MICAL3: variants seen among roughly 807,000 people sequenced by gnomAD.
MICAL3 encodes the protein microtubule associated monooxygenase, calponin and LIM domain containing 3.
MICAL3 carries 62 observed loss-of-function variants against 207.4 expected under a neutral mutation model. The observed-to-expected ratio is 0.30, with a 90% CI of 0.24 to 0.37. The LOEUF (loss-of-function observed/expected upper bound fraction) is 0.37. Ranked by LOEUF, MICAL3 falls within the 10% of genes least tolerant of loss-of-function variation. The pLI is 1.00. For missense variants in MICAL3, 2,368 were observed against 2,635.6 expected, an observed-to-expected ratio of 0.90 and a Z score of 2.22; for synonymous variants, 1,077 against 1,069.3, an observed-to-expected ratio of 1.01 and a Z score of -0.14.
In MICAL3 at chr22:17,993,898, T is replaced by C. The variant is rs555860358; in HGVS notation, c.-75+30383A>G. ...CCAAGTCAGTTGCCCTCAACTGGTC[T>C]GTGACACCACAAGTCCAAAACCCAA... On this transcript the variant is annotated intron_variant, in intron 1 of 31. Coordinates refer to ENST00000441493, the MANE Select transcript of MICAL3 (RefSeq NM_015241.3). Among the ~76,000 whole-genome samples the C allele has an allele frequency of 8.8e-4, 134 of 151,872 alleles. No individual in the cohort carries two copies. In the East Asian group the frequency reaches 0.012, roughly 14 times the overall value.
rs192856896 is a variant in MICAL3 at position 18,000,519 on chromosome 22, G to A, written c.-75+23762C>T. On this transcript the variant is annotated intron_variant, in intron 1 of 31. Coordinates refer to ENST00000441493, the MANE Select transcript of MICAL3 (RefSeq NM_015241.3). Reference sequence around the variant, plus strand: ...TTCGTCCCGGCTACCTACTGAGCAAGCGGGGTGGCGGCTCACCAGTGCCGC... The same window carrying A: ...TTCGTCCCGGCTACCTACTGAGCAAACGGGGTGGCGGCTCACCAGTGCCGC... 5.1e-3 allele frequency among the ~76,000 whole-genome samples: 781 copies of A among 152,352 alleles called. 7 individuals carry two copies. The highest frequency in any genetic ancestry group is 0.018 in the African/African-American group (734 of 41,586).
At chr22:17,908,380 T>C (rs1198829519) in intron 1 of MICAL3, among the ~76,000 whole-genome samples, 1 of 152,152 alleles carries the variant, frequency 6.6e-6, no homozygotes, top group African/African-American at 2.4e-5. Context: ...CGATCTCTGC[T>C]CACTGCAAGC....
Position 17,818,568 on chromosome 22 carries a change from A to T in MICAL3, c.4093T>A (p.Ser1365Thr). ...TGGGGGGACTTTTCAACGGAATAGG[A>T]TTTGAGGGACACTGGCCTGAAGGCA... is the stretch of plus-strand genomic sequence containing the variant. ...TPAFRPVSLK[S>T]YSVEKSPQDE... Residue 1365 changes from serine to threonine, a missense_variant, in exon 26 of 32, where the codon TCC becomes ACC. Ser to Thr is a moderately conservative substitution (Grantham distance 58). Coordinates refer to ENST00000441493, the MANE Select transcript of MICAL3 (RefSeq NM_015241.3). The T allele has an allele frequency of 6.2e-7, 1 of 1,613,428 alleles. No individual in the cohort carries two copies. Among genetic ancestry groups the T allele is most frequent in the African/African-American group, 1.3e-5 (1 of 74,966 alleles).
At chr22:17,960,322 G>C (rs1417365410) in intron 1 of MICAL3, among the ~76,000 whole-genome samples, 1 of 152,224 alleles carries the variant, frequency 6.6e-6, no homozygotes, top group African/African-American at 2.4e-5. Context: ...GTACATGCGT[G>C]TGCATGTGTC....
At chr22:17,980,788 A>C in intron 1 of MICAL3, 1 of 475,620 alleles carries the variant, frequency 2.1e-6, no homozygotes, top group Non-Finnish European at 4.5e-6. Flanking sequence ...GCAGCAAACC[A>C]GCTGCCCGTC....
At chr22:17,879,414 A>G in intron 16 of MICAL3, 1 of 1,609,124 alleles carries the variant, frequency 6.2e-7, no homozygotes, top group Non-Finnish European at 8.5e-7. Context: ...TGTTGGCAAC[A>G]AAGTAGAAAC....
At position 17,832,054 on chromosome 22, in the gene MICAL3, C is replaced by T. The variant is rs1016399568; in HGVS notation, c.2855G>A (p.Arg952His). Residue 952 changes from arginine (R) to histidine (H), a missense_variant, in exon 21 of 32, where the codon CGC (arginine) becomes CAC (histidine). Physicochemically the swap from Arg to His is conservative, Grantham distance 29. Around this residue, in one of 4 missense-constraint regions of MICAL3, gnomAD observed 1,770 missense variants for 1,863.2 expected, o/e 0.95. Coordinates refer to ENST00000441493, the MANE Select transcript of MICAL3 (RefSeq NM_015241.3). Reference protein sequence around the residue: ...EEGEEEEEEPRLPPSDLGGVP... With the variant: ...EEGEEEEEEPHLPPSDLGGVP... Reference sequence around the variant, plus strand: ...ACCACCCAGGTCAGATGGGGGCAGGCGAGGCTCCTCCTCCTCCTCCTCTCC... The same window carrying T: ...ACCACCCAGGTCAGATGGGGGCAGGTGAGGCTCCTCCTCCTCCTCCTCTCC... 13 of 1,598,542 alleles carry T rather than the reference C, an allele frequency of 8.1e-6. No homozygotes were observed. Among genetic ancestry groups the T allele is most frequent in the East Asian group, 6.8e-5 (3 of 44,380 alleles).
intron 1 of MICAL3, among the ~76,000 whole-genome samples, chr22:17,925,666 T>C (rs1932903291): frequency 6.6e-6 from 1 of 152,182 alleles, no homozygotes; most frequent in African/African-American, 2.4e-5. Context: ...TAAACAATTT[T>C]TTTTTAAGTA....
intron 1 of MICAL3, among the ~76,000 whole-genome samples, chr22:18,021,442 G>A (rs550770052): frequency 3.3e-5 from 5 of 152,218 alleles, no homozygotes; most frequent in Non-Finnish European, 5.9e-5. Flanking sequence ...CATGCCCATC[G>A]CCCAGCTCAG....
chr22:17,812,628 A>C, intron 27 of MICAL3: 1 of 739,524 alleles, frequency 1.4e-6, no homozygotes, highest in Non-Finnish European at 1.7e-6. Flanking sequence ...ATTAAAAATT[A>C]AGAACACAGA....
chr22:17,819,192 C>T (rs980446994), intron 25 of MICAL3, 63 bp from the exon 26 acceptor site: 38 of 1,404,774 alleles, frequency 2.7e-5, no homozygotes, highest in South Asian at 4.0e-5. Context: ...GCAGCATCCT[C>T]GGGGAGCCTT....
chr22:17,896,221 G>A, intron 9 of MICAL3, 25 bp downstream of exon 9: 1 of 1,405,262 alleles, frequency 7.1e-7, no homozygotes. Context: ...TCTCATGAAA[G>A]GAACCCCGGG....
At chr22:17,905,569 A>C (rs1320882555) in intron 2 of MICAL3, among the ~76,000 whole-genome samples, 2 of 152,164 alleles carry the variant, frequency 1.3e-5, no homozygotes. Flanking sequence ...ACAGTTCTTG[A>C]ATTTTGCTGA....
intron 1 of MICAL3, among the ~76,000 whole-genome samples, chr22:17,947,952 T>C (rs1223525125): frequency 1.3e-5 from 2 of 151,918 alleles, no homozygotes; most frequent in Non-Finnish European, 2.9e-5. Context: ...ACAGACATTA[T>C]GTGTTTAATA....
Position 17,790,376 on chromosome 22 carries a change from G to A in MICAL3, c.*356C>T, listed in dbSNP as rs554438795. On this transcript the variant is annotated 3_prime_UTR_variant, in exon 32 of 32. Transcript: ENST00000441493. ...TCGCACGGCGCACTGTGGTTCTGAC[G>A]GGGAGCAGCTTCCCTCTCTTACCAA... The A allele has an allele frequency of 1.2e-4, 30 of 257,906 alleles. No individual in the cohort carries two copies. Among genetic ancestry groups the A allele is most frequent in the Non-Finnish European group, 1.7e-4 (23 of 132,866 alleles). 16.0% of individuals were successfully genotyped at this position (257,906 alleles called of 1,614,324 possible). A position where few individuals can be genotyped will look rare whatever the true frequency, so the allele number is the denominator to read the frequency against.
intron 1 of MICAL3, among the ~76,000 whole-genome samples, chr22:17,948,011 G>A (rs1261335037): frequency 6.6e-6 from 1 of 151,236 alleles, no homozygotes; most frequent in Non-Finnish European, 1.5e-5. Context: ...TACAGATCCA[G>A]GATACCAACT....
intron 19 of MICAL3, among the ~76,000 whole-genome samples, chr22:17,848,290 C>T (rs1274059107): frequency 1.3e-5 from 2 of 152,170 alleles, no homozygotes; most frequent in Non-Finnish European, 2.9e-5. Flanking sequence ...GGGATCCATG[C>T]CTCCATCTGT....
Position 17,817,519 on chromosome 22 carries a change from G to A in MICAL3, c.5142C>T (p.Ser1714=), listed in dbSNP as rs745511210. The part of the protein sequence containing the change: ...SPRRNKKEKK[S]KGEGRPPEKP... Reference sequence around the variant, plus strand: ...TCTCCGGGGGCCGGCCCTCGCCTTTGGACTTCTTCTCCTTCTTGTTTCTGC... The same window carrying A: ...TCTCCGGGGGCCGGCCCTCGCCTTTAGACTTCTTCTCCTTCTTGTTTCTGC... The change falls in exon 26 of 32, where the codon TCC becomes TCT. Residue 1714 remains serine (S), a synonymous_variant. Transcript: ENST00000441493. The A allele has an allele frequency of 5.0e-6, 8 of 1,613,618 alleles. No homozygotes were observed. Among genetic ancestry groups the A allele is most frequent in the South Asian group, 1.1e-5 (1 of 91,058 alleles).
At chr22:17,897,470 C>T (rs1350228299) in intron 7 of MICAL3, among the ~76,000 whole-genome samples, 1 of 149,388 alleles carries the variant, frequency 6.7e-6, no homozygotes, top group Non-Finnish European at 1.5e-5. Context: ...GTGGATTATT[C>T]CCGAGAGAAC....
Sources: gnomAD v4.1 joint callset for allele counts (sites outside exome capture counted in the v4.1 genomes callset) on GRCh38, gnomAD v4.1.1 for gene constraint, gnomAD v4.1.1 regional missense constraint, MANE v1.5 for transcripts, NCBI Gene and HGNC (gene_info 2026-07-23, HGNC 2026-07-21) for gene names.